TMEM187: variants seen among roughly 807,000 people sequenced by gnomAD.
TMEM187 encodes transmembrane protein 187.
TMEM187 carries 14 observed loss-of-function variants against 11.8 expected under a neutral mutation model. The ratio of observed to expected loss-of-function variants is 1.18; its 90% CI spans 0.78 to 1.85. The LOEUF (loss-of-function observed/expected upper bound fraction) is 1.85. Ranked by LOEUF, TMEM187 falls within the 40% of genes most tolerant of loss-of-function variation. The probability of loss-of-function intolerance (pLI) is 0.00; values close to 1 mark genes in which losing one functional copy is unlikely to be tolerated. For missense variants in TMEM187, 227 were observed against 243.9 expected (o/e 0.93, Z 0.46); for synonymous variants, 112 against 118.5 (o/e 0.95, Z 0.36).
Position 153,982,775 on chromosome X carries a change from A to C in TMEM187, c.713A>C (p.His238Pro). Residue 238 changes from histidine (H) to proline (P), a missense_variant, in exon 2 of 2, where the codon CAC becomes CCC. Coordinates refer to ENST00000369982, the MANE Select transcript of TMEM187 (RefSeq NM_003492.3). ...WSKVCDVLQFHFAFLFLTHFN... is the reference protein window; with the variant it reads ...WSKVCDVLQFPFAFLFLTHFN... ...AAGGTCTGTGACGTGCTCCAGTTCCACTTTGCGTTTTTGTTTCTGACGCAT... is the reference window on the plus strand; with the variant it reads ...AAGGTCTGTGACGTGCTCCAGTTCCCCTTTGCGTTTTTGTTTCTGACGCAT... The C allele has an allele frequency of 5.8e-6, 7 of 1,211,743 alleles. No homozygotes were observed. Among genetic ancestry groups the C allele is most frequent in the Non-Finnish European group, 7.8e-6 (7 of 895,498 alleles).
intron 1 of TMEM187, chrX:153,980,733 A>T: frequency 9.1e-6 from 1 of 110,211 alleles, no homozygotes; most frequent in African/African-American, 3.3e-5. Flanking sequence ...AGCCTGGCCA[A>T]CGTGGTGAAA....
At chrX:153,975,518 T>C (rs1232468457) in intron 1 of TMEM187, among the ~76,000 whole-genome samples, 8 of 106,979 alleles carry the variant, frequency 7.5e-5, no homozygotes, top group African/African-American at 1.7e-4. Flanking sequence ...TTAGTAGAGA[T>C]GGGGTTTCAC....
chrX:153,977,504 C>T (rs190031238), intron 1 of TMEM187, among the ~76,000 whole-genome samples: 76 of 110,914 alleles, frequency 6.9e-4, no homozygotes, highest in Non-Finnish European at 1.0e-3. Flanking sequence ...TCCAGCTACT[C>T]GGGAGGCTGA....
At chrX:153,981,825 C>T in intron 1 of TMEM187, 25 bp from the exon 2 acceptor site, 1 of 533,341 alleles carries the variant, frequency 1.9e-6, no homozygotes, top group Admixed American at 3.7e-5. Context: ...TGTTTTCTAA[C>T]CACACTCCTT....
At chrX:153,977,783 C>T (rs1287398354) in intron 1 of TMEM187, among the ~76,000 whole-genome samples, 1 of 102,409 alleles carries the variant, frequency 9.8e-6, no homozygotes, top group Non-Finnish European at 2.0e-5. Flanking sequence ...TGCATGGTGG[C>T]GGGCGCCTGT....
At chrX:153,975,509 T>C (rs962407847) in intron 1 of TMEM187, among the ~76,000 whole-genome samples, 1 of 108,427 alleles carries the variant, frequency 9.2e-6, no homozygotes, top group Non-Finnish European at 1.9e-5. Context: ...TTTATACTTT[T>C]AGTAGAGATG....
chrX:153,982,166 T>C lies in TMEM187; in HGVS notation c.104T>C (p.Val35Ala). ...TGIFDSVSVQVGYEHYAEAPV... is the reference protein window; with the variant it reads ...TGIFDSVSVQAGYEHYAEAPV... ...ATTTTCGACAGTGTTTCCGTGCAAGTGGGCTATGAGCACTACGCCGAGGCG... is the reference window on the plus strand; with the variant it reads ...ATTTTCGACAGTGTTTCCGTGCAAGCGGGCTATGAGCACTACGCCGAGGCG... The change falls in exon 2 of 2, where the codon GTG becomes GCG. Residue 35 changes from valine to alanine, a missense_variant. Transcript: ENST00000369982. 8.2e-7 allele frequency: 1 copy of C among 1,212,555 alleles called. No individual in the cohort carries two copies. The highest frequency in any genetic ancestry group is 1.1e-6 in the Non-Finnish European group (1 of 895,679).
Position 153,982,880 on chromosome X carries a change from C to A in TMEM187, c.*32C>A. On this transcript the variant is annotated 3_prime_UTR_variant, in exon 2 of 2. Coordinates refer to ENST00000369982, the MANE Select transcript of TMEM187 (RefSeq NM_003492.3). ...GGAAGAACCTGCTGAAAACCGATGACCCCCAGCATTGAAATGGACTCTGAG... is the reference window on the plus strand; with the variant it reads ...GGAAGAACCTGCTGAAAACCGATGAACCCCAGCATTGAAATGGACTCTGAG... The A allele has an allele frequency of 1.7e-6, 2 of 1,211,463 alleles. No homozygotes were observed. Among genetic ancestry groups the A allele is most frequent in the South Asian group, 3.5e-5 (2 of 56,906 alleles).
chrX:153,977,502 C>T (rs2065581048), intron 1 of TMEM187, among the ~76,000 whole-genome samples: 1 of 111,089 alleles, frequency 9.0e-6, no homozygotes, highest in Admixed American at 9.6e-5. Flanking sequence ...CTTCCAGCTA[C>T]TCGGGAGGCT....
chrX:153,979,511 T>C (rs2065590477), intron 1 of TMEM187, among the ~76,000 whole-genome samples: 1 of 109,127 alleles, frequency 9.2e-6, no homozygotes, highest in South Asian at 4.2e-4. Flanking sequence ...TGAGCCACCA[T>C]GCCCAGCTAC....
Position 153,982,054 on chromosome X carries a change from C to T in TMEM187, c.-9C>T, listed in dbSNP as rs200196882. 25 of 1,211,621 alleles carry T rather than the reference C, an allele frequency of 2.1e-5. No individual in the cohort carries two copies. In the East Asian group the frequency reaches 2.7e-4, roughly 13 times the overall value. On this transcript the variant is annotated 5_prime_UTR_variant, in exon 2 of 2. Transcript: ENST00000369982. The stretch of plus-strand genomic sequence containing the variant: ...AGCTCCCTGCCCCAGGTCACGCCGC[C>T]GGTTCCAGATGAATCCAGAGTGGGG...
chrX:153,976,108 G>C (rs781943372), intron 1 of TMEM187, among the ~76,000 whole-genome samples: 153 of 111,851 alleles, frequency 1.4e-3, no homozygotes, highest in Non-Finnish European at 2.4e-3. Context: ...TTTCCCCAAT[G>C]TAGGTTCTTC....
intron 1 of TMEM187, among the ~76,000 whole-genome samples, chrX:153,975,324 GTATT>G (rs1363385146): frequency 6.4e-5 from 7 of 110,168 alleles, no homozygotes; most frequent in Non-Finnish European, 1.3e-4. Context: ...TTTATTATTT[GTATT>G]TATTTATTTA....
chrX:153,983,097 CA>C lies in TMEM187; in HGVS notation c.*250del. ...ATGTGTGTGTTCCTGATGTAATTTG[CA>C]TAACTTTTCTGTAGTTTGAAATGTT... On this transcript the variant is annotated 3_prime_UTR_variant, in exon 2 of 2. Transcript: ENST00000369982. 2 of 535,469 alleles carry C rather than the reference CA, an allele frequency of 3.7e-6. No homozygotes were observed. The allele number at this position is 535,469 out of a possible 1,213,427, so 44.1% of individuals were successfully genotyped here. A position where few individuals can be genotyped will look rare whatever the true frequency, so the allele number is the denominator to read the frequency against.
At chrX:153,974,605 T>C (rs1557121194) in intron 1 of TMEM187, among the ~76,000 whole-genome samples, 1 of 112,536 alleles carries the variant, frequency 8.9e-6, no homozygotes, top group Non-Finnish European at 1.9e-5. Context: ...AGGGCAGACA[T>C]GATCCCATCC....
intron 1 of TMEM187, among the ~76,000 whole-genome samples, chrX:153,973,259 C>G (rs1207985265): frequency 8.9e-6 from 1 of 112,641 alleles, no homozygotes; most frequent in Admixed American, 9.3e-5. Flanking sequence ...AGTCGCCTCT[C>G]AACATATTAC....
At chrX:153,975,501 T>C (rs1427310292) in intron 1 of TMEM187, among the ~76,000 whole-genome samples, 8 of 108,831 alleles carry the variant, frequency 7.4e-5, no homozygotes, top group African/African-American at 2.3e-4. Flanking sequence ...GGCTAATTTT[T>C]ATACTTTTAG....
chrX:153,980,321 T>C (rs1464952186), intron 1 of TMEM187, among the ~76,000 whole-genome samples: 1 of 111,553 alleles, frequency 9.0e-6, no homozygotes, highest in East Asian at 2.8e-4. Flanking sequence ...ATTGTGCCAC[T>C]GCACCCCAGC....
chrX:153,983,174 A>C lies in TMEM187; in HGVS notation c.*326A>C. Reference sequence around the variant, plus strand: ...TGGAAATGACACCAAGAAGCCCCTCATGCTCATGGTTGGACAGAGAGCGAT... The same window carrying C: ...TGGAAATGACACCAAGAAGCCCCTCCTGCTCATGGTTGGACAGAGAGCGAT... On this transcript the variant is annotated 3_prime_UTR_variant, in exon 2 of 2. Transcript: ENST00000369982. 3.0e-6 allele frequency: 1 copy of C among 334,576 alleles called. No homozygotes were observed. 27.6% of individuals were successfully genotyped at this position (334,576 alleles called of 1,213,427 possible).
Sources: allele counts gnomAD v4.1 joint callset (sites outside exome capture counted in the v4.1 genomes callset), GRCh38; gene constraint gnomAD v4.1.1; transcripts MANE v1.5; gene names NCBI Gene and HGNC (gene_info 2026-07-23, HGNC 2026-07-21).